FAF1: variants seen among roughly 807,000 people sequenced by gnomAD.
The protein encoded by FAF1 is Fas associated factor 1.
In FAF1, 25 loss-of-function variants were observed where a neutral mutation model predicts 92.5. The observed-to-expected ratio is 0.27, with a 90% CI of 0.20 to 0.38. FAF1 has a LOEUF of 0.38. FAF1 is among the 10% of genes least tolerant of loss of function. FAF1 has a pLI of 1.00. For missense variants in FAF1, 636 were observed against 793.3 expected (o/e 0.80, Z 2.38); for synonymous variants, 234 against 273.2 (o/e 0.86, Z 1.42).
rs113015905 is a variant in FAF1, at chr1:50,504,976, T to C, written c.1495-13175A>G. On this transcript the variant is annotated intron_variant, in intron 15 of 18. Coordinates refer to ENST00000396153, the MANE Select transcript of FAF1 (RefSeq NM_007051.3). ...AGACCTCCAGGTGACTCCTATCATATGCAGATTAAATTTTGAAAAGCACTG... is the reference window on the plus strand; with the variant it reads ...AGACCTCCAGGTGACTCCTATCATACGCAGATTAAATTTTGAAAAGCACTG... 5.7e-3 allele frequency among the ~76,000 whole-genome samples: 872 copies of C among 152,338 alleles called. 3 individuals carry two copies. The highest frequency in any genetic ancestry group is 0.014 in the Middle Eastern group (4 of 294).
At chr1:50,516,711 C>T (rs2149027203) in intron 15 of FAF1, among the ~76,000 whole-genome samples, 1 of 152,296 alleles carries the variant, frequency 6.6e-6, no homozygotes, top group African/African-American at 2.4e-5. Context: ...TCCTGACTTT[C>T]AAAGTGAAAT....
chr1:50,728,790 CAAA>C (rs547043455), intron 6 of FAF1, among the ~76,000 whole-genome samples: 3 of 99,488 alleles, frequency 3.0e-5, no homozygotes, highest in Non-Finnish European at 2.1e-5. Flanking sequence ...GACTCCGTCT[CAAA>C]AAAAAAAAAA....
chr1:50,827,209 G>A (rs1297466094), intron 2 of FAF1, among the ~76,000 whole-genome samples: 1 of 152,182 alleles, frequency 6.6e-6, no homozygotes, highest in African/African-American at 2.4e-5. Context: ...GTGGGGAAAA[G>A]AAAGAGAGAT....
intron 2 of FAF1, among the ~76,000 whole-genome samples, chr1:50,845,230 G>A (rs549998262): frequency 6.6e-6 from 1 of 152,184 alleles, no homozygotes; most frequent in East Asian, 1.9e-4. Context: ...GAAGATGTAC[G>A]CCTGCAGTTT....
At chr1:50,750,894 A>G (rs1659836373) in intron 4 of FAF1, among the ~76,000 whole-genome samples, 1 of 151,322 alleles carries the variant, frequency 6.6e-6, no homozygotes, top group Admixed American at 6.6e-5. Flanking sequence ...AAATGCTGGG[A>G]TTATAGGCAT....
chr1:50,678,003 T>C (rs1419461246), intron 7 of FAF1, among the ~76,000 whole-genome samples: 4 of 152,190 alleles, frequency 2.6e-5, no homozygotes, highest in South Asian at 2.1e-4. Context: ...GTGAGATATG[T>C]AGGCTAGAGG....
At chr1:50,874,110 T>C (rs760307913) in intron 1 of FAF1, among the ~76,000 whole-genome samples, 9 of 152,132 alleles carry the variant, frequency 5.9e-5, no homozygotes, top group Non-Finnish European at 1.2e-4. Context: ...TTGGTTCTAG[T>C]ACCTGACAAT....
chr1:50,598,346 CAGCTACT>C (rs1252592620), intron 8 of FAF1, among the ~76,000 whole-genome samples: 1 of 151,294 alleles, frequency 6.6e-6, no homozygotes. Flanking sequence ...ACCCATAGTC[CAGCTACT>C]AGGGAGGCTG....
At chr1:50,951,269 C>T (rs776112825) in intron 1 of FAF1, among the ~76,000 whole-genome samples, 5 of 152,178 alleles carry the variant, frequency 3.3e-5, no homozygotes, top group African/African-American at 9.7e-5. Context: ...TTCAAACCAA[C>T]CTATGACCTT....
At chr1:50,618,963 G>A (rs1653064606) in intron 8 of FAF1, among the ~76,000 whole-genome samples, 1 of 152,024 alleles carries the variant, frequency 6.6e-6, no homozygotes, top group Admixed American at 6.6e-5. Flanking sequence ...CACCATGTTA[G>A]CCAGGCTGGT....
At chr1:50,872,064 CAAAA>C (rs200142842) in intron 1 of FAF1, among the ~76,000 whole-genome samples, 3 of 65,540 alleles carry the variant, frequency 4.6e-5, no homozygotes, top group Admixed American at 1.7e-4. Context: ...GACTCCATCT[CAAAA>C]AAAAAAAAAA....
At chr1:50,645,947 C>G (rs545422517) in intron 8 of FAF1, among the ~76,000 whole-genome samples, 1 of 152,272 alleles carries the variant, frequency 6.6e-6, no homozygotes, top group East Asian at 1.9e-4. Context: ...CTGTCAACCC[C>G]TGCATTATAT....
chr1:50,628,948 A>C (rs1159717417), intron 8 of FAF1, among the ~76,000 whole-genome samples: 7 of 152,194 alleles, frequency 4.6e-5, no homozygotes, highest in Non-Finnish European at 8.8e-5. Flanking sequence ...TTATGTGGTC[A>C]TATCAATATA....
At chr1:50,521,704 A>G (rs1055715884) in intron 15 of FAF1, among the ~76,000 whole-genome samples, 3 of 152,220 alleles carry the variant, frequency 2.0e-5, no homozygotes, top group African/African-American at 7.2e-5. Flanking sequence ...TTAACAATGA[A>G]TGCTTTTACA....
intron 6 of FAF1, among the ~76,000 whole-genome samples, chr1:50,711,812 G>A (rs1045051587): frequency 1.3e-5 from 2 of 152,112 alleles, no homozygotes; most frequent in Admixed American, 6.5e-5. Flanking sequence ...TACCACATTC[G>A]TGCTCCTTAT....
intron 9 of FAF1, among the ~76,000 whole-genome samples, chr1:50,595,699 C>T (rs1558008938): frequency 1.3e-5 from 2 of 151,906 alleles, no homozygotes; most frequent in Non-Finnish European, 2.9e-5. Flanking sequence ...TCTGCCACCA[C>T]ACCTGGCTAA....
chr1:50,704,744 A>C (rs950317402), intron 7 of FAF1, among the ~76,000 whole-genome samples: 2 of 152,190 alleles, frequency 1.3e-5, no homozygotes, highest in Non-Finnish European at 2.9e-5. Context: ...AATTTTAAAG[A>C]GTTTAGTTTC....
intron 18 of FAF1, among the ~76,000 whole-genome samples, chr1:50,463,153 T>C (rs1167955739): frequency 1.3e-5 from 2 of 152,184 alleles, no homozygotes; most frequent in African/African-American, 4.8e-5. Context: ...TATACCTATG[T>C]GTTCAGCACC....
At chr1:50,454,299 G>A (rs997571409) in intron 18 of FAF1, among the ~76,000 whole-genome samples, 1 of 152,114 alleles carries the variant, frequency 6.6e-6, no homozygotes, top group Non-Finnish European at 1.5e-5. Flanking sequence ...CTGAACCTTT[G>A]CTATGTTGTT....
Sources: allele counts gnomAD v4.1 joint callset (sites outside exome capture counted in the v4.1 genomes callset), GRCh38; gene constraint gnomAD v4.1.1; transcripts MANE v1.5; gene names NCBI Gene and HGNC (gene_info 2026-07-23, HGNC 2026-07-21).